The following TRIP12 variants were observed in gnomAD, a reference collection of about 807,000 sequenced individuals.
The protein encoded by TRIP12 is E3 ubiquitin-protein ligase TRIP12.
TRIP12 carries 25 observed loss-of-function variants against 244.2 expected under a neutral mutation model. The ratio of observed to expected loss-of-function variants is 0.10; its 90% confidence interval spans 0.07 to 0.14. The LOEUF is 0.14. Ranked by LOEUF, TRIP12 falls within the 10% of genes least tolerant of loss-of-function variation. The probability of loss-of-function intolerance (pLI) is 1.00; values close to 1 mark genes in which losing one functional copy is unlikely to be tolerated. For synonymous variants in TRIP12, 905 were observed against 873.1 expected (o/e 1.04, Z -0.64); for missense variants, 1,677 against 2,486.4 (o/e 0.67, Z 6.92).
intron 1 of TRIP12, among the ~76,000 whole-genome samples, chr2:229,895,390 G>T (rs112940017): frequency 5.3e-5 from 8 of 151,962 alleles, no homozygotes; most frequent in African/African-American, 1.7e-4. Flanking sequence ...TCCAGAAGTA[G>T]AAGAGTGAAG....
Position 229,850,942 on chromosome 2 carries a change from G to A in TRIP12, c.1027+7830C>T, listed in dbSNP as rs1053238144. Among the ~76,000 whole-genome samples, 2 of 152,240 alleles carry A rather than the reference G, an allele frequency of 1.3e-5. 1 individual carries two copies. Among genetic ancestry groups the A allele is most frequent in the Non-Finnish European group, 2.9e-5 (2 of 68,036 alleles). ...GCACTCGATTTCTCGCCGGGCCTTA[G>A]CTGCCTTCCCGCAGCGCAGGCCTCG... On this transcript the variant is annotated intron_variant, in intron 4 of 41. Coordinates refer to ENST00000675903, the MANE Select transcript of TRIP12 (RefSeq NM_001348323.3).
intron 1 of TRIP12, among the ~76,000 whole-genome samples, chr2:229,916,923 A>C (rs1168809633): frequency 7.2e-5 from 11 of 152,134 alleles, no homozygotes; most frequent in Non-Finnish European, 1.6e-4. Flanking sequence ...TATTTATTAC[A>C]AATAACAGCA....
chr2:229,773,920 T>C, intron 38 of TRIP12, 177 bp downstream of exon 38: 1 of 523,842 alleles, frequency 1.9e-6, no homozygotes, highest in Non-Finnish European at 3.3e-6. Flanking sequence ...AGGAAATATC[T>C]GATATGTGCA....
In TRIP12 at chr2:229,859,493, C is replaced by T. The variant is rs759247764; in HGVS notation, c.306G>A (p.Thr102=). ...AATTGTCTTTCTTAGGCACCTGCCC[C>T]GTTTTTTGTCTTTCTGAAGTATTGG... The part of the protein sequence containing the change: ...DRANTSERQK[T]GQVPKKDNSR... The change falls in exon 4 of 42, where the codon ACG becomes ACA. Residue 102 remains threonine (T), a synonymous_variant. Transcript: ENST00000675903. 16 of 1,613,990 alleles carry T rather than the reference C, an allele frequency of 9.9e-6. No homozygotes were observed. Among genetic ancestry groups the T allele is most frequent in the East Asian group, 6.7e-5 (3 of 44,894 alleles).
At chr2:229,890,155 C>T (rs1391144705) in intron 1 of TRIP12, among the ~76,000 whole-genome samples, 1 of 149,658 alleles carries the variant, frequency 6.7e-6, no homozygotes, top group Non-Finnish European at 1.5e-5. Flanking sequence ...TCTAGGCTCA[C>T]TGCAACCTCC....
At chr2:229,917,148 A>G (rs370998814) in intron 1 of TRIP12, among the ~76,000 whole-genome samples, 10 of 152,256 alleles carry the variant, frequency 6.6e-5, no homozygotes, top group African/African-American at 2.2e-4. Flanking sequence ...TGGGAGTCCA[A>G]GGCGGGTGGA....
chr2:229,852,071 TG>T (rs1404744137), intron 4 of TRIP12, among the ~76,000 whole-genome samples: 10 of 152,230 alleles, frequency 6.6e-5, no homozygotes, highest in African/African-American at 1.2e-4. Flanking sequence ...ATTTGGCTTT[TG>T]CCTGGTTCTT....
chr2:229,861,764 A>C (rs1383722237), intron 2 of TRIP12, among the ~76,000 whole-genome samples: 1 of 152,202 alleles, frequency 6.6e-6, no homozygotes, highest in Non-Finnish European at 1.5e-5. Flanking sequence ...GAAGGTAAGA[A>C]ATTAGCTTCT....
At chr2:229,817,019 G>C (rs1236958981) in intron 9 of TRIP12, among the ~76,000 whole-genome samples, 2 of 152,190 alleles carry the variant, frequency 1.3e-5, no homozygotes, top group Non-Finnish European at 2.9e-5. Context: ...ATCTGCATCT[G>C]GGTGGCAGGT....
intron 1 of TRIP12, among the ~76,000 whole-genome samples, chr2:229,907,687 TTAGCTACTCCACAGC>T (rs2073193610): frequency 6.6e-6 from 1 of 152,130 alleles, no homozygotes; most frequent in Non-Finnish European, 1.5e-5. Context: ...GTCTGCAGTC[TTAGCTACTCCACAGC>T]TAAGGCGAGA....
intron 1 of TRIP12, among the ~76,000 whole-genome samples, chr2:229,918,845 A>C (rs759903966): frequency 1.3e-5 from 2 of 152,146 alleles, no homozygotes; most frequent in Non-Finnish European, 2.9e-5. Context: ...TAATTTTCTA[A>C]AATTAATTTA....
At chr2:229,810,550 T>G (rs113685368) in intron 15 of TRIP12, among the ~76,000 whole-genome samples, 351 of 152,278 alleles carry the variant, frequency 2.3e-3, no homozygotes, top group African/African-American at 8.2e-3. Flanking sequence ...CTATATAAGC[T>G]GAAGACAGCT....
At chr2:229,836,416 G>A (rs1239843939) in intron 6 of TRIP12, among the ~76,000 whole-genome samples, 45 of 152,136 alleles carry the variant, frequency 3.0e-4, no homozygotes, top group Admixed American at 2.9e-3. Flanking sequence ...GAATAAAAAT[G>A]AGAAGCCCAT....
chr2:229,792,901 G>T (rs928704419), intron 27 of TRIP12, 72 bp downstream of exon 27: 1 of 1,433,940 alleles, frequency 7.0e-7, no homozygotes, highest in Non-Finnish European at 9.4e-7. Flanking sequence ...GAGAAATAAT[G>T]TATGTAACTC....
chr2:229,788,972 A>C (rs773008088), intron 31 of TRIP12, 32 bp from the exon 32 acceptor site: 3 of 1,552,636 alleles, frequency 1.9e-6, no homozygotes, highest in African/African-American at 2.8e-5. Flanking sequence ...AAAAGTCTAC[A>C]TGTAGTAAAA....
chr2:229,877,407 G>C (rs2063805133), intron 2 of TRIP12, among the ~76,000 whole-genome samples: 1 of 152,118 alleles, frequency 6.6e-6, no homozygotes, highest in African/African-American at 2.4e-5. Context: ...GCAGGCGCCT[G>C]TAATCCCAGC....
Position 229,778,522 on chromosome 2 carries a change from T to C in TRIP12, c.5275A>G (p.Thr1759Ala), listed in dbSNP as rs747195826. 2 of 1,614,062 alleles carry C rather than the reference T, an allele frequency of 1.2e-6. No homozygotes were observed. Among genetic ancestry groups the C allele is most frequent in the South Asian group, 2.2e-5 (2 of 91,074 alleles). ...QGLFALPFGR[T>A]AKPAHIAKVK... ...TTTGCGATATGAGCTGGCTTTGCTG[T>C]CCTACCAAAGGGAAGCGCAAACAGG... is the stretch of plus-strand genomic sequence containing the variant. Residue 1759 changes from threonine (T) to alanine (A), a missense_variant, in exon 36 of 42, where the codon ACA becomes GCA. Physicochemically the swap from Thr to Ala is moderately conservative, Grantham distance 58. This residue lies in a region of TRIP12 where 171 missense variants were observed against 388.4 expected (regional missense o/e 0.44). Transcript: ENST00000675903. This position sits in a 1 kb window ranked among gnomAD's most constrained non-coding sequence, Gnocchi z 4.1.
At chr2:229,922,696 G>A, upstream of TRIP12, 4 of 1,402,436 alleles carry the variant, frequency 2.9e-6, no homozygotes, top group Non-Finnish European at 3.0e-6. Flanking sequence ...TAGGCCAAGA[G>A]CAACCGTAGC....
intron 4 of TRIP12, among the ~76,000 whole-genome samples, chr2:229,847,817 C>T (rs2057879821): frequency 6.6e-6 from 1 of 152,148 alleles, no homozygotes; most frequent in Non-Finnish European, 1.5e-5. Flanking sequence ...CATTCCTCTC[C>T]TGGTTCCAGC....
Sources: allele counts gnomAD v4.1 joint callset (sites outside exome capture counted in the v4.1 genomes callset), GRCh38; gene constraint gnomAD v4.1.1; regional missense constraint gnomAD v4.1.1; non-coding constraint Gnocchi (gnomAD v3.1); transcripts MANE v1.5; gene names NCBI Gene and HGNC (gene_info 2026-07-23, HGNC 2026-07-21).